The following SPIRE2 variants were observed in gnomAD, a reference collection of about 807,000 sequenced individuals.
SPIRE2 encodes protein spire homolog 2.
Under a neutral mutation model 80.7 loss-of-function variants are expected in SPIRE2, and 76 were observed. The ratio of observed to expected loss-of-function variants is 0.94; its 90% confidence interval spans 0.78 to 1.14. SPIRE2 has a LOEUF of 1.14. Ranked by LOEUF, SPIRE2 falls within the 50% of genes most tolerant of loss-of-function variation. The probability of loss-of-function intolerance (pLI) is 0.00; values close to 1 mark genes in which losing one functional copy is unlikely to be tolerated. For missense variants in SPIRE2, 1,196 were observed against 1,015.3 expected (o/e 1.18, Z -2.42); for synonymous variants, 535 against 432.6 (o/e 1.24, Z -2.94).
At chr16:89,855,440 G>A (rs771997305) in intron 5 of SPIRE2, among the ~76,000 whole-genome samples, 160 bp from the exon 6 acceptor site, 14 of 152,136 alleles carry the variant, frequency 9.2e-5, no homozygotes, top group Admixed American at 2.6e-4. Flanking sequence ...TGGATCTGCC[G>A]TGCGTTTACC....
rs2041346069 is a variant in SPIRE2 at position 89,828,485 on chromosome 16, T to TGCGCGGCGGAAG, written c.-58_-47dup. ...CGGGGCGGGGCGGCCAGGCTGACCC[T>TGCGCGGCGGAAG]GCGCGGCGGAAGGCGCGGCTGCATG... On this transcript the variant is annotated 5_prime_UTR_variant, in exon 1 of 15. Transcript: ENST00000378247. This position sits in a 1 kb window ranked among gnomAD's most constrained non-coding sequence, Gnocchi z 5.9. 1.0e-6 allele frequency: 1 copy of TGCGCGGCGGAAG among 982,754 alleles called. No homozygotes were observed. The highest frequency in any genetic ancestry group is 1.8e-5 in the African/African-American group (1 of 56,128). The allele number at this position is 982,754 out of a possible 1,614,324, so 60.9% of individuals were successfully genotyped here. A position where few individuals can be genotyped will look rare whatever the true frequency, so the allele number is the denominator to read the frequency against.
intron 12 of SPIRE2, among the ~76,000 whole-genome samples, chr16:89,867,304 C>T (rs368073038): frequency 1.2e-4 from 18 of 147,250 alleles, no homozygotes; most frequent in South Asian, 8.9e-4. Context: ...CCACCATGCC[C>T]GGCTAATTTT....
intron 1 of SPIRE2, among the ~76,000 whole-genome samples, chr16:89,843,667 G>GTTTTTTTTTTTGGT (rs2041524698): frequency 5.0e-5 from 3 of 60,406 alleles, no homozygotes; most frequent in African/African-American, 7.1e-5. Flanking sequence ...TTGCTGCCAC[G>GTTTTTTTTTTTGGT]TTTTTTTTTT....
At chr16:89,841,971 G>A (rs1465178784) in intron 1 of SPIRE2, among the ~76,000 whole-genome samples, 4 of 151,584 alleles carry the variant, frequency 2.6e-5, no homozygotes, top group Admixed American at 6.6e-5. Context: ...CAGGTGATCC[G>A]CCTACCTCAG....
chr16:89,833,040 G>C (rs977429669), intron 1 of SPIRE2, among the ~76,000 whole-genome samples: 5 of 150,032 alleles, frequency 3.3e-5, no homozygotes, highest in Non-Finnish European at 5.9e-5. Context: ...GCCTAGGCTG[G>C]AGTGCAATGC....
At chr16:89,845,989 C>T (rs1250924300) in intron 2 of SPIRE2, 3 of 221,752 alleles carry the variant, frequency 1.4e-5, no homozygotes, top group Admixed American at 5.2e-5. Flanking sequence ...CTCCGCCTCC[C>T]GGGTTCACAC....
chr16:89,849,496 C>T (rs1403328007), intron 2 of SPIRE2, among the ~76,000 whole-genome samples: 2 of 152,172 alleles, frequency 1.3e-5, no homozygotes, highest in African/African-American at 2.4e-5. Flanking sequence ...TGTTGTAAAG[C>T]GAAACTATGA....
chr16:89,841,799 G>C (rs569924092), intron 1 of SPIRE2, among the ~76,000 whole-genome samples: 1 of 152,176 alleles, frequency 6.6e-6, no homozygotes, highest in Admixed American at 6.6e-5. Flanking sequence ...CCAGGTTCAA[G>C]CCGTTCTCTT....
Position 89,828,484 on chromosome 16 carries a change from C to T in SPIRE2, c.-67C>T, listed in dbSNP as rs888374518. The T allele has an allele frequency of 7.1e-6, 7 of 986,696 alleles. No homozygotes were observed. The highest frequency in any genetic ancestry group is 1.2e-4 in the Admixed American group (2 of 16,116). The allele number at this position is 986,696 out of a possible 1,614,324, so 61.1% of individuals were successfully genotyped here. A position where few individuals can be genotyped will look rare whatever the true frequency, so the allele number is the denominator to read the frequency against. On this transcript the variant is annotated 5_prime_UTR_variant, in exon 1 of 15. Coordinates refer to ENST00000378247, the MANE Select transcript of SPIRE2 (RefSeq NM_032451.2). This position sits in a 1 kb window ranked among gnomAD's most constrained non-coding sequence, Gnocchi z 5.9. The stretch of plus-strand genomic sequence containing the variant: ...GCGGGGCGGGGCGGCCAGGCTGACC[C>T]TGCGCGGCGGAAGGCGCGGCTGCAT...
intron 3 of SPIRE2, 57 bp from the exon 4 acceptor site, chr16:89,854,229 G>C (rs1224100297): frequency 6.5e-7 from 1 of 1,527,154 alleles, no homozygotes; most frequent in African/African-American, 1.4e-5. Flanking sequence ...GACGGGGCCC[G>C]TCTTGCATCT....
intron 6 of SPIRE2, 176 bp downstream of exon 6, chr16:89,855,862 T>C (rs1202377318): frequency 2.3e-6 from 2 of 884,142 alleles, no homozygotes; most frequent in Non-Finnish European, 3.4e-6. Flanking sequence ...AGCCCGGGGC[T>C]GTGTGGCCCT....
chr16:89,850,884 G>A (rs887670531), intron 3 of SPIRE2, among the ~76,000 whole-genome samples: 5 of 152,070 alleles, frequency 3.3e-5, no homozygotes, highest in African/African-American at 1.2e-4. Context: ...CACCCAGGCT[G>A]GAGGGGTAGT....
At chr16:89,858,559 GC>G in intron 8 of SPIRE2, 52 bp downstream of exon 8, 1 of 1,481,620 alleles carries the variant, frequency 6.7e-7, no homozygotes. Context: ...GAGGATGGGG[GC>G]CAAGGAAGTG....
Position 89,858,327 on chromosome 16 carries a change from C to A in SPIRE2, c.1103-11C>A. 6.4e-7 allele frequency: 1 copy of A among 1,573,476 alleles called. No homozygotes were observed. The highest frequency in any genetic ancestry group is 8.6e-7 in the Non-Finnish European group (1 of 1,158,958). Reference sequence around the variant, plus strand: ...CACTGGCCCGTCCTGCCTCGGCTCCCGTCTCCCCAGGGTTTGGCTCTCTGC... The same window carrying A: ...CACTGGCCCGTCCTGCCTCGGCTCCAGTCTCCCCAGGGTTTGGCTCTCTGC... On this transcript the variant is annotated splice_polypyrimidine_tract_variant and intron_variant, in intron 7 of 14. Transcript: ENST00000378247.
chr16:89,867,495 A>G (rs2041800569), intron 12 of SPIRE2, among the ~76,000 whole-genome samples: 1 of 151,794 alleles, frequency 6.6e-6, no homozygotes, highest in Non-Finnish European at 1.5e-5. Context: ...TAAACTTTCC[A>G]AAAGTATGTG....
intron 13 of SPIRE2, 76 bp downstream of exon 13, chr16:89,868,292 G>A (rs1302428125): frequency 4.1e-6 from 6 of 1,449,494 alleles, no homozygotes; most frequent in Non-Finnish European, 5.8e-6. Context: ...GGATGTGTTG[G>A]ATGATGCTGC....
chr16:89,845,928 G>C, intron 2 of SPIRE2: 1 of 392,136 alleles, frequency 2.6e-6, no homozygotes, highest in Non-Finnish European at 4.6e-6. Flanking sequence ...ATGGAGTCGC[G>C]CTCTGTCGCC....
intron 5 of SPIRE2, among the ~76,000 whole-genome samples, chr16:89,855,001 C>T (rs987148179): frequency 2.3e-4 from 35 of 152,008 alleles, no homozygotes; most frequent in African/African-American, 8.0e-4. Context: ...GGCAATGGTG[C>T]GACCTTGGCT....
Position 89,850,595 on chromosome 16 carries a change from C to G in SPIRE2, c.580C>G (p.Arg194Gly). The stretch of plus-strand genomic sequence containing the variant: ...ACAGGCGCATTACCAGGCCGTGTGC[C>G]GCGCGCTCTTCGTGGAGACGCTGGA... ...GAQAHYQAVC[R>G]ALFVETLELR... The change falls in exon 3 of 15, where the codon CGC (arginine) becomes GGC (glycine). Residue 194 changes from arginine (R) to glycine (G), a missense_variant. By Grantham distance (125) the Arg-to-Gly change is moderately radical (BLOSUM62 -2). Coordinates refer to ENST00000378247, the MANE Select transcript of SPIRE2 (RefSeq NM_032451.2). 2.0e-6 allele frequency: 3 copies of G among 1,519,784 alleles called. No homozygotes were observed. Among genetic ancestry groups the G allele is most frequent in the Non-Finnish European group, 2.6e-6 (3 of 1,139,296 alleles). 94.1% of individuals were successfully genotyped at this position (1,519,784 alleles called of 1,614,324 possible). A position where few individuals can be genotyped will look rare whatever the true frequency, so the allele number is the denominator to read the frequency against.
Sources: gnomAD v4.1 joint callset for allele counts (sites outside exome capture counted in the v4.1 genomes callset) on GRCh38, gnomAD v4.1.1 for gene constraint, Gnocchi (gnomAD v3.1) non-coding constraint, MANE v1.5 for transcripts, NCBI Gene and HGNC (gene_info 2026-07-23, HGNC 2026-07-21) for gene names.